GPA33: variants seen among roughly 807,000 people sequenced by gnomAD.
GPA33 encodes cell surface A33 antigen.
GPA33 carries 27 observed loss-of-function variants against 35.6 expected under a neutral mutation model. The observed-to-expected ratio is 0.76, with a 90% CI of 0.56 to 1.04. The LOEUF (loss-of-function observed/expected upper bound fraction) is 1.04, where lower values mean the gene tolerates loss of function less well. Among genes scored for constraint, GPA33 ranks in the 50% least tolerant of loss-of-function variants. The pLI, the probability that GPA33 is intolerant of heterozygous loss-of-function variation, is 0.00. For missense variants in GPA33, 428 were observed against 411.9 expected (o/e 1.04, Z -0.34); for synonymous variants, 176 against 164.0 (o/e 1.07, Z -0.56).
intron 1 of GPA33, among the ~76,000 whole-genome samples, chr1:167,088,888 T>A (rs1057034889): frequency 6.6e-6 from 1 of 152,144 alleles, no homozygotes; most frequent in Non-Finnish European, 1.5e-5. Context: ...TCAGCCTCCC[T>A]CTCTCAGGCC....
chr1:167,055,455 C>T (rs1037925451), intron 5 of GPA33, among the ~76,000 whole-genome samples: 1 of 152,198 alleles, frequency 6.6e-6, no homozygotes, highest in Non-Finnish European at 1.5e-5. Flanking sequence ...CCACGCCCAC[C>T]GAGTGGTTCC....
At position 167,073,411 on chromosome 1, in the gene GPA33, A is replaced by T; in HGVS notation, c.172T>A (p.Trp58Arg). The T allele has an allele frequency of 6.2e-7, 1 of 1,614,026 alleles. No homozygotes were observed. The highest frequency in any genetic ancestry group is 8.5e-7 in the Non-Finnish European group (1 of 1,179,890). Residue 58 changes from tryptophan to arginine, a missense_variant, in exon 2 of 7, where the codon TGG becomes AGG. Trp to Arg is a moderately radical substitution (Grantham distance 101). Transcript: ENST00000367868. ...STSSREGLIQ[W>R]DKLLLTHTER... The stretch of plus-strand genomic sequence containing the variant: ...GTATGAGTGAGGAGGAGCTTATCCC[A>T]TTGAATAAGTCCCTCTCGACTGGAG...
Position 167,063,591 on chromosome 1 carries a change from C to A in GPA33, c.562G>T (p.Ala188Ser), listed in dbSNP as rs1401054458. Reference sequence around the variant, plus strand: ...CCTACTGCCCCCTTACCTGGCTGGGCCAGGGGCTGCTCCTGATTCAGGATG... The same window carrying A: ...CCTACTGCCCCCTTACCTGGCTGGGACAGGGGCTGCTCCTGATTCAGGATG... ...YNILNQEQPL[A>S]QPASGQPVSL... is the part of the protein sequence containing the mutation. Residue 188 changes from alanine (A) to serine (S), a missense_variant, in exon 4 of 7, where the codon GCC becomes TCC. Transcript: ENST00000367868. 12 of 1,606,672 alleles carry A rather than the reference C, an allele frequency of 7.5e-6. No individual in the cohort carries two copies. The highest frequency in any genetic ancestry group is 9.4e-6 in the Non-Finnish European group (11 of 1,175,624).
At chr1:167,068,100 A>C (rs1194843161) in intron 3 of GPA33, among the ~76,000 whole-genome samples, 3 of 151,904 alleles carry the variant, frequency 2.0e-5, no homozygotes, top group Non-Finnish European at 4.4e-5. Flanking sequence ...TTTTAAAATA[A>C]ATTTAATTTA....
rs1446651638 is a variant in GPA33, at chr1:167,073,447, G to C, written c.136C>G (p.His46Asp). 6.2e-7 allele frequency: 1 copy of C among 1,613,050 alleles called. No individual in the cohort carries two copies. The highest frequency in any genetic ancestry group is 8.5e-7 in the Non-Finnish European group (1 of 1,179,260). Residue 46 changes from histidine to aspartate, a missense_variant, in exon 2 of 7, where the codon CAC becomes GAC. Coordinates refer to ENST00000367868, the MANE Select transcript of GPA33 (RefSeq NM_005814.3). ...GKSVTLPCTY[H>D]TSTSSREGLI... ...CCCTCTCGACTGGAGGTGGAAGTGT[G>C]GTAGGTGCAGGGCAGGGTGACACTC... is the stretch of plus-strand genomic sequence containing the variant.
intron 1 of GPA33, among the ~76,000 whole-genome samples, chr1:167,074,708 G>A (rs1192258002): frequency 6.6e-6 from 1 of 151,604 alleles, no homozygotes; most frequent in Non-Finnish European, 1.5e-5. Context: ...CTTAGTCTAC[G>A]CACAAGGAAC....
intron 4 of GPA33, among the ~76,000 whole-genome samples, chr1:167,056,761 G>GTC (rs1666300758): frequency 6.8e-6 from 1 of 147,750 alleles, no homozygotes; most frequent in African/African-American, 2.5e-5. Context: ...TGTATGGCGT[G>GTC]TGTGTGGTGT....
chr1:167,082,113 A>G (rs1037070000), intron 1 of GPA33: 66 of 385,538 alleles, frequency 1.7e-4, no homozygotes, highest in Middle Eastern at 1.8e-3. Flanking sequence ...TGGACTGCAT[A>G]TATAAGGGAA....
At chr1:167,058,360 C>G (rs1666359979) in intron 4 of GPA33, 1 of 152,090 alleles carries the variant, frequency 6.6e-6, no homozygotes, top group Non-Finnish European at 1.5e-5. Flanking sequence ...GGTCCCTGTC[C>G]TCTTGGTGTT....
At position 167,083,851 on chromosome 1, in the gene GPA33, G is replaced by A. The variant is rs141918055; in HGVS notation, c.43+6394C>T. On this transcript the variant is annotated intron_variant, in intron 1 of 6. Coordinates refer to ENST00000367868, the MANE Select transcript of GPA33 (RefSeq NM_005814.3). ...GCTATGGCACCAGGGAGGTTTCTTG[G>A]GGGTGTATGATTCCCCATATGATAT... Among the ~76,000 whole-genome samples the A allele has an allele frequency of 6.4e-3, 980 of 152,194 alleles. 18 individuals are homozygous for A. Among genetic ancestry groups the A allele is most frequent in the African/African-American group, 0.023 (942 of 41,508 alleles).
intron 4 of GPA33, among the ~76,000 whole-genome samples, chr1:167,061,546 T>C (rs749249411): frequency 1.7e-3 from 265 of 151,576 alleles, no homozygotes; most frequent in Non-Finnish European, 3.3e-3. Flanking sequence ...CTACATTACA[T>C]TGACCTATTT....
At chr1:167,082,225 A>G (rs1490292006) in intron 1 of GPA33, 3 of 455,464 alleles carry the variant, frequency 6.6e-6, no homozygotes, top group Non-Finnish European at 1.3e-5. Flanking sequence ...ACACCAAAAT[A>G]CAGTATTAAT....
chr1:167,085,715 C>T (rs1330012012), intron 1 of GPA33, among the ~76,000 whole-genome samples: 1 of 152,174 alleles, frequency 6.6e-6, no homozygotes, highest in Admixed American at 6.5e-5. Flanking sequence ...CCATTGAGCC[C>T]CCTAAATTGA....
chr1:167,078,258 G>C (rs1666863087), intron 1 of GPA33, among the ~76,000 whole-genome samples: 1 of 152,210 alleles, frequency 6.6e-6, no homozygotes, highest in South Asian at 2.1e-4. Flanking sequence ...AGATAAGATA[G>C]ATGCCCACAA....
chr1:167,086,313 C>G lies in GPA33; in HGVS notation c.43+3932G>C, dbSNP rs147652744. On this transcript the variant is annotated intron_variant, in intron 1 of 6. Transcript: ENST00000367868. Reference sequence around the variant, plus strand: ...GCCACAGAGCAGATGGTGGGCGGGCCGCTTATCTTGCAGTTGCATTTGCGG... The same window carrying G: ...GCCACAGAGCAGATGGTGGGCGGGCGGCTTATCTTGCAGTTGCATTTGCGG... Among the ~76,000 whole-genome samples the G allele has an allele frequency of 5.3e-5, 8 of 152,346 alleles. No individual in the cohort carries two copies. In the East Asian group the frequency reaches 1.4e-3, roughly 26 times the overall value.
chr1:167,065,573 C>T (rs558824423), intron 3 of GPA33, among the ~76,000 whole-genome samples: 7 of 152,264 alleles, frequency 4.6e-5, no homozygotes, highest in East Asian at 3.9e-4. Flanking sequence ...TCCAGGTGCA[C>T]GGTCGCTGAG....
intron 1 of GPA33, among the ~76,000 whole-genome samples, chr1:167,088,000 C>CCAA (rs927820884): frequency 1.8e-4 from 27 of 152,122 alleles, no homozygotes; most frequent in African/African-American, 6.0e-4. Flanking sequence ...CACGGCCTTG[C>CCAA]GTTTGTGCCC....
At chr1:167,061,437 C>T (rs1450520795) in intron 4 of GPA33, among the ~76,000 whole-genome samples, 1 of 152,092 alleles carries the variant, frequency 6.6e-6, no homozygotes, top group African/African-American at 2.4e-5. Context: ...ACAGAGCCCC[C>T]GGGGAGCTGC....
chr1:167,073,309 T>G (rs574277129), intron 2 of GPA33, 76 bp downstream of exon 2: 15 of 1,239,542 alleles, frequency 1.2e-5, no homozygotes, highest in Middle Eastern at 2.0e-4. Flanking sequence ...AAAGACTTCA[T>G]AGTGCTTGCC....
Sources: gnomAD v4.1 joint callset for allele counts (sites outside exome capture counted in the v4.1 genomes callset) on GRCh38, gnomAD v4.1.1 for gene constraint, MANE v1.5 for transcripts, NCBI Gene and HGNC (gene_info 2026-07-23, HGNC 2026-07-21) for gene names.